Variants in STXBP4 observed in about 807,000 individuals in gnomAD.
The protein encoded by STXBP4 is syntaxin-binding protein 4.
A neutral mutation model predicts 76.1 loss-of-function variants in STXBP4; 55 were observed. The observed-to-expected ratio is 0.72, with a 90% CI of 0.58 to 0.91. STXBP4 has a LOEUF of 0.91. Ranked by LOEUF, STXBP4 falls within the 40% of genes least tolerant of loss-of-function variation. The pLI, the probability that STXBP4 is intolerant of heterozygous loss-of-function variation, is 0.00. For synonymous variants in STXBP4, 201 were observed against 220.2 expected (o/e 0.91, Z 0.77); for missense variants, 618 against 636.9 (o/e 0.97, Z 0.32).
chr17:55,192,434 A>G, the STXBP4 span, among the ~76,000 whole-genome samples: 37 of 152,310 alleles, frequency 2.4e-4, 1 homozygote, highest in East Asian at 7.1e-3. Context: ...GAATGTGCTC[A>G]ATTTGAAAGT....
intron 16 of STXBP4, among the ~76,000 whole-genome samples, chr17:55,107,807 G>C (rs948397051): frequency 6.6e-6 from 1 of 152,180 alleles, no homozygotes; most frequent in African/African-American, 2.4e-5. Flanking sequence ...TCCCAGAGGG[G>C]TACCTGCCAG....
At chr17:55,047,035 A>G in intron 11 of STXBP4, 54 bp from the exon 12 acceptor site, 1 of 1,077,126 alleles carries the variant, frequency 9.3e-7, no homozygotes, top group Non-Finnish European at 1.4e-6. Context: ...CTAAGAAGTC[A>G]CACTTGTTAA....
intron 17 of STXBP4, among the ~76,000 whole-genome samples, chr17:55,157,130 T>C (rs1279247129): frequency 7.2e-5 from 11 of 152,224 alleles, no homozygotes; most frequent in Admixed American, 7.2e-4. Flanking sequence ...CCTCCAATTA[T>C]GGAACTTCAA....
the STXBP4 span, among the ~76,000 whole-genome samples, chr17:55,207,090 C>G: frequency 6.6e-6 from 1 of 152,094 alleles, no homozygotes; most frequent in African/African-American, 2.4e-5. Context: ...GTCCCTCCAC[C>G]CTAACAGGCC....
chr17:55,195,907 A>T, the STXBP4 span, among the ~76,000 whole-genome samples: 1 of 152,160 alleles, frequency 6.6e-6, no homozygotes, highest in Admixed American at 6.5e-5. Flanking sequence ...AAGCCCACAG[A>T]TGCTGCTGAA....
chr17:55,014,765 C>A (rs574961505), intron 8 of STXBP4, among the ~76,000 whole-genome samples: 1 of 152,236 alleles, frequency 6.6e-6, no homozygotes, highest in South Asian at 2.1e-4. Context: ...GACAAGGGGG[C>A]AGCTTATTTC....
At chr17:55,060,078 C>T (rs1054229239) in intron 12 of STXBP4, among the ~76,000 whole-genome samples, 2 of 152,054 alleles carry the variant, frequency 1.3e-5, no homozygotes, top group African/African-American at 4.8e-5. Context: ...ATGTATACAT[C>T]TGTGTATACA....
chr17:55,041,301 G>A (rs1292277375), intron 10 of STXBP4, among the ~76,000 whole-genome samples: 1 of 149,882 alleles, frequency 6.7e-6, no homozygotes, highest in Non-Finnish European at 1.5e-5. Flanking sequence ...TGCAATCTCG[G>A]CTCACTGCAG....
intron 11 of STXBP4, among the ~76,000 whole-genome samples, chr17:55,045,095 T>C (rs1169474492): frequency 6.6e-6 from 1 of 152,142 alleles, no homozygotes; most frequent in Non-Finnish European, 1.5e-5. Flanking sequence ...TCTGAAAATA[T>C]AATTGCTTTA....
chr17:55,107,012 T>A (rs1434794488), intron 16 of STXBP4, among the ~76,000 whole-genome samples: 1 of 152,244 alleles, frequency 6.6e-6, no homozygotes, highest in Non-Finnish European at 1.5e-5. Context: ...TTCTCCTGGA[T>A]AATATCCTGA....
chr17:55,102,274 C>A (rs1245938636), intron 16 of STXBP4, among the ~76,000 whole-genome samples: 1 of 152,114 alleles, frequency 6.6e-6, no homozygotes, highest in Non-Finnish European at 1.5e-5. Flanking sequence ...TATCCCTCCC[C>A]CAGCCCTCCA....
At chr17:55,012,071 T>C (rs1210241309) in intron 8 of STXBP4, among the ~76,000 whole-genome samples, 1 of 152,158 alleles carries the variant, frequency 6.6e-6, no homozygotes, top group Non-Finnish European at 1.5e-5. Context: ...AAGAACTATT[T>C]ATGGTTTTAC....
chr17:54,990,411 G>A (rs895092803), intron 3 of STXBP4, among the ~76,000 whole-genome samples: 1 of 152,172 alleles, frequency 6.6e-6, no homozygotes, highest in Non-Finnish European at 1.5e-5. Flanking sequence ...AACTGTGCAT[G>A]TGAGGGATCT....
chr17:55,188,958 C>T, the STXBP4 span, among the ~76,000 whole-genome samples: 2 of 152,108 alleles, frequency 1.3e-5, no homozygotes, highest in Non-Finnish European at 2.9e-5. Flanking sequence ...TAGTCACTGT[C>T]TGCTTCCAGA....
At chr17:55,048,306 A>G (rs925695417) in intron 12 of STXBP4, among the ~76,000 whole-genome samples, 24 of 151,888 alleles carry the variant, frequency 1.6e-4, no homozygotes, top group African/African-American at 5.5e-4. Context: ...CTACCCTATG[A>G]CCATCAAAAC....
At chr17:55,089,127 T>C (rs2079377435) in intron 16 of STXBP4, among the ~76,000 whole-genome samples, 1 of 152,176 alleles carries the variant, frequency 6.6e-6, no homozygotes, top group African/African-American at 2.4e-5. Flanking sequence ...GATTGAAAGA[T>C]TAAATGTAGT....
intron 16 of STXBP4, among the ~76,000 whole-genome samples, chr17:55,119,720 T>C (rs997237054): frequency 7.2e-5 from 11 of 152,162 alleles, no homozygotes; most frequent in African/African-American, 2.4e-4. Flanking sequence ...CAGTAAATCT[T>C]CTACTGTATC....
At chr17:55,043,750 G>T in intron 11 of STXBP4, 1 of 1,057,262 alleles carries the variant, frequency 9.5e-7, no homozygotes, top group Admixed American at 2.7e-5. Flanking sequence ...ACGTAATTTG[G>T]AATTAATATT....
intron 16 of STXBP4, among the ~76,000 whole-genome samples, chr17:55,101,479 C>T (rs1567762408): frequency 6.6e-6 from 1 of 152,152 alleles, no homozygotes; most frequent in Non-Finnish European, 1.5e-5. Flanking sequence ...ATAGCTCTCC[C>T]TCCTTACCAT....
Sources: allele counts gnomAD v4.1 joint callset (sites outside exome capture counted in the v4.1 genomes callset), GRCh38; gene constraint gnomAD v4.1.1; transcripts MANE v1.5; gene names NCBI Gene and HGNC (gene_info 2026-07-23, HGNC 2026-07-21).